SUGCT: variants seen among roughly 807,000 people sequenced by gnomAD.
SUGCT encodes the protein succinyl-CoA:glutarate-CoA transferase.
In SUGCT, 41 loss-of-function variants were observed where a neutral mutation model predicts 55.0. The observed-to-expected ratio is 0.74, with a 90% CI of 0.58 to 0.97. SUGCT has a LOEUF of 0.97. Among genes scored for constraint, SUGCT ranks in the 50% least tolerant of loss-of-function variants. The pLI, the probability that SUGCT is intolerant of heterozygous loss-of-function variation, is 0.00. For missense variants in SUGCT, 568 were observed against 547.8 expected (o/e 1.04, Z -0.37); for synonymous variants, 187 against 200.4 (o/e 0.93, Z 0.56).
At chr7:40,578,366 C>T (rs1217569481) in intron 12 of SUGCT, among the ~76,000 whole-genome samples, 2 of 152,176 alleles carry the variant, frequency 1.3e-5, no homozygotes, top group African/African-American at 4.8e-5. Context: ...CTTCCCACTC[C>T]TCACTCTTCT....
At chr7:40,986,362 G>A in the SUGCT span, among the ~76,000 whole-genome samples, 5 of 152,156 alleles carry the variant, frequency 3.3e-5, no homozygotes, top group Non-Finnish European at 4.4e-5. Flanking sequence ...GTACAAGCCA[G>A]TGAAATAACA....
At position 40,807,190 on chromosome 7, in the gene SUGCT, T is replaced by C. The variant is rs544294954; in HGVS notation, c.1154-53126T>C. On this transcript the variant is annotated intron_variant, in intron 13 of 13. Transcript: ENST00000335693. ...ATTAAGAAGTTATAGTCCAATGTTA[T>C]TTACATTTTTCAGAGAACATTTATA... 2.6e-5 allele frequency among the ~76,000 whole-genome samples: 4 copies of C among 152,332 alleles called. No individual in the cohort carries two copies. In the South Asian group the frequency reaches 8.3e-4, roughly 32 times the overall value.
At chr7:40,370,728 C>CT (rs895423841) in intron 9 of SUGCT, among the ~76,000 whole-genome samples, 30 of 149,836 alleles carry the variant, frequency 2.0e-4, no homozygotes, top group East Asian at 2.0e-3. Flanking sequence ...TTTCCTTTTT[C>CT]TTTTTTTTTG....
intron 12 of SUGCT, among the ~76,000 whole-genome samples, chr7:40,511,486 C>G (rs1792926836): frequency 6.6e-6 from 1 of 152,156 alleles, no homozygotes; most frequent in Non-Finnish European, 1.5e-5. Flanking sequence ...AAAATTCAAA[C>G]TAAGTCTGCA....
At chr7:40,741,903 A>G (rs1787482102) in intron 12 of SUGCT, among the ~76,000 whole-genome samples, 2 of 152,194 alleles carry the variant, frequency 1.3e-5, no homozygotes, top group African/African-American at 2.4e-5. Flanking sequence ...GTATATACAC[A>G]CTGATACAAG....
chr7:40,858,299 A>G (rs540296418), intron 13 of SUGCT, among the ~76,000 whole-genome samples: 24 of 145,838 alleles, frequency 1.6e-4, no homozygotes, highest in African/African-American at 6.1e-4. Context: ...GCTACTGGGG[A>G]GGCTGAGGCA....
intron 9 of SUGCT, among the ~76,000 whole-genome samples, chr7:40,368,621 T>A (rs749785031): frequency 1.3e-5 from 2 of 152,206 alleles, no homozygotes; most frequent in Non-Finnish European, 2.9e-5. Flanking sequence ...AGCATCTTCA[T>A]TGAACGTATA....
intron 12 of SUGCT, among the ~76,000 whole-genome samples, chr7:40,515,336 A>G (rs1027738955): frequency 6.6e-6 from 1 of 152,232 alleles, no homozygotes; most frequent in Non-Finnish European, 1.5e-5. Flanking sequence ...GGGTATTCAC[A>G]TACTGTAAAA....
At chr7:40,905,384 G>A in the SUGCT span, among the ~76,000 whole-genome samples, 1 of 152,118 alleles carries the variant, frequency 6.6e-6, no homozygotes, top group Non-Finnish European at 1.5e-5. Flanking sequence ...AAATATTAAT[G>A]AAAAGAGATG....
At chr7:40,726,064 T>G (rs139248311) in intron 12 of SUGCT, among the ~76,000 whole-genome samples, 3 of 152,114 alleles carry the variant, frequency 2.0e-5, no homozygotes, top group Admixed American at 2.0e-4. Context: ...ATATAAAATC[T>G]CAACACGTAA....
At chr7:40,725,491 A>G (rs1450708687) in intron 12 of SUGCT, among the ~76,000 whole-genome samples, 1 of 148,630 alleles carries the variant, frequency 6.7e-6, no homozygotes, top group African/African-American at 2.6e-5. Flanking sequence ...TTCTCCTTCT[A>G]GTTGAAACTC....
intron 12 of SUGCT, among the ~76,000 whole-genome samples, chr7:40,552,998 G>T (rs910530203): frequency 6.6e-6 from 1 of 152,160 alleles, no homozygotes; most frequent in Non-Finnish European, 1.5e-5. Flanking sequence ...GGGAGTGAAT[G>T]ATCTTTGCAT....
At chr7:40,295,395 G>A (rs1003379293) in intron 8 of SUGCT, among the ~76,000 whole-genome samples, 3 of 152,078 alleles carry the variant, frequency 2.0e-5, no homozygotes, top group Non-Finnish European at 4.4e-5. Context: ...GACCAGCATG[G>A]TGAAACCCCA....
At chr7:40,798,955 C>G (rs999522960) in intron 13 of SUGCT, among the ~76,000 whole-genome samples, 1 of 152,162 alleles carries the variant, frequency 6.6e-6, no homozygotes, top group Non-Finnish European at 1.5e-5. Context: ...AGCTAAACTA[C>G]CCCAGTGCCA....
At chr7:40,148,366 C>T (rs777933732) in intron 1 of SUGCT, among the ~76,000 whole-genome samples, 2 of 152,074 alleles carry the variant, frequency 1.3e-5, no homozygotes, top group Non-Finnish European at 2.9e-5. Context: ...AAAACCTGGC[C>T]GGGCGCGGTG....
intron 9 of SUGCT, among the ~76,000 whole-genome samples, chr7:40,393,461 A>G (rs868782986): frequency 1.3e-5 from 2 of 152,136 alleles, no homozygotes; most frequent in African/African-American, 2.4e-5. Flanking sequence ...TGTAGAAGTA[A>G]ATGTTGGATT....
intron 11 of SUGCT, among the ~76,000 whole-genome samples, chr7:40,489,998 C>A (rs747746655): frequency 6.6e-6 from 1 of 152,176 alleles, no homozygotes; most frequent in Non-Finnish European, 1.5e-5. Flanking sequence ...CTGTAGTGGT[C>A]CCAAAGCCTA....
intron 7 of SUGCT, among the ~76,000 whole-genome samples, chr7:40,259,789 T>A (rs867122396): frequency 1.2e-4 from 19 of 152,252 alleles, no homozygotes; most frequent in African/African-American, 4.6e-4. Flanking sequence ...TAATTGCATC[T>A]TTTGTATCAC....
At chr7:40,264,545 A>G (rs1791432805) in intron 7 of SUGCT, among the ~76,000 whole-genome samples, 1 of 152,214 alleles carries the variant, frequency 6.6e-6, no homozygotes, top group Non-Finnish European at 1.5e-5. Flanking sequence ...TTCTGTGTGC[A>G]CGGAAACCCT....
Sources: allele counts gnomAD v4.1 joint callset (sites outside exome capture counted in the v4.1 genomes callset), GRCh38; gene constraint gnomAD v4.1.1; transcripts MANE v1.5; gene names NCBI Gene and HGNC (gene_info 2026-07-23, HGNC 2026-07-21).